The following GPR158 variants were observed in gnomAD, a reference collection of about 807,000 sequenced individuals.
GPR158 encodes the protein metabotropic glycine receptor.
GPR158 carries 30 observed loss-of-function variants against 78.2 expected under a neutral mutation model. The ratio of observed to expected loss-of-function variants is 0.38; its 90% CI spans 0.29 to 0.52. The LOEUF is 0.52. Ranked by LOEUF, GPR158 falls within the 20% of genes least tolerant of loss-of-function variation. The pLI is 0.83. For missense variants in GPR158, 1,463 were observed against 1,523.5 expected (o/e 0.96, Z 0.66); for synonymous variants, 581 against 591.1 (o/e 0.98, Z 0.25).
At chr10:25,498,925 G>A (rs1835918882) in intron 5 of GPR158, among the ~76,000 whole-genome samples, 1 of 152,112 alleles carries the variant, frequency 6.6e-6, no homozygotes, top group African/African-American at 2.4e-5. Flanking sequence ...TTTGCTTGAG[G>A]ACTTTCGGAA....
intron 4 of GPR158, among the ~76,000 whole-genome samples, chr10:25,426,330 C>A (rs2149634): frequency 0.7 from 106,106 of 151,762 alleles, 38,089 homozygotes; most frequent in Non-Finnish European, 0.8. Context: ...AGCACTTTTA[C>A]TTTCCATCAG....
intron 2 of GPR158, among the ~76,000 whole-genome samples, chr10:25,280,754 C>T (rs1342586196): frequency 2.0e-5 from 3 of 152,036 alleles, no homozygotes; most frequent in Middle Eastern, 3.4e-3. Context: ...TACGTACATA[C>T]GTACATATTC....
At chr10:25,359,296 A>G (rs372094090) in intron 2 of GPR158, among the ~76,000 whole-genome samples, 5 of 152,128 alleles carry the variant, frequency 3.3e-5, no homozygotes, top group African/African-American at 1.2e-4. Context: ...TCTGAGATAC[A>G]TGTGCAGAAT....
chr10:25,213,935 AT>A (rs1424962512), intron 1 of GPR158, among the ~76,000 whole-genome samples: 1 of 151,998 alleles, frequency 6.6e-6, no homozygotes, highest in Non-Finnish European at 1.5e-5. Flanking sequence ...TCTGCATATT[AT>A]TTGCATATTT....
intron 2 of GPR158, among the ~76,000 whole-genome samples, chr10:25,276,593 G>A (rs560919881): frequency 6.6e-6 from 1 of 152,286 alleles, no homozygotes; most frequent in African/African-American, 2.4e-5. Context: ...CATTACATTA[G>A]TAAAGATCCT....
At chr10:25,198,841 A>G (rs377439818) in intron 1 of GPR158, among the ~76,000 whole-genome samples, 6 of 152,140 alleles carry the variant, frequency 3.9e-5, no homozygotes, top group South Asian at 2.1e-4. Flanking sequence ...AATATAACTA[A>G]CAACTTAGTG....
At chr10:25,531,371 A>C (rs1469061052) in intron 5 of GPR158, among the ~76,000 whole-genome samples, 1 of 152,220 alleles carries the variant, frequency 6.6e-6, no homozygotes, top group Admixed American at 6.5e-5. Context: ...ATTATTGATA[A>C]TGACCATGTG....
At chr10:25,439,664 G>A (rs1447383091) in intron 4 of GPR158, among the ~76,000 whole-genome samples, 3 of 152,116 alleles carry the variant, frequency 2.0e-5, no homozygotes, top group Admixed American at 6.5e-5. Context: ...CAAACGAGAG[G>A]TTAGGAGCCA....
Position 25,223,671 on chromosome 10 carries a change from C to T in GPR158, c.1008+2514C>T, listed in dbSNP as rs1306062766. Among the ~76,000 whole-genome samples the T allele has an allele frequency of 2.6e-5, 4 of 152,126 alleles. No individual in the cohort carries two copies. In the East Asian group the frequency reaches 7.7e-4, roughly 29 times the overall value. On this transcript the variant is annotated intron_variant, in intron 2 of 10. Coordinates refer to ENST00000376351, the MANE Select transcript of GPR158 (RefSeq NM_020752.3). ...TCTGGCTCTACTTTATTCTTTGTAA[C>T]AACCCCTCTGTTACCATCCCAAGGA... is the stretch of plus-strand genomic sequence containing the variant.
At chr10:25,382,428 C>A (rs938796191) in intron 2 of GPR158, among the ~76,000 whole-genome samples, 5 of 150,730 alleles carry the variant, frequency 3.3e-5, no homozygotes, top group Non-Finnish European at 5.9e-5. Context: ...AGAAAAGTTT[C>A]TTTTTTAATT....
At chr10:25,328,207 T>C (rs1307732138) in intron 2 of GPR158, among the ~76,000 whole-genome samples, 1 of 152,090 alleles carries the variant, frequency 6.6e-6, no homozygotes, top group East Asian at 1.9e-4. Context: ...TACATAGAAA[T>C]ACATAGATGC....
intron 2 of GPR158, among the ~76,000 whole-genome samples, chr10:25,252,273 C>T (rs1482760162): frequency 1.3e-5 from 2 of 151,370 alleles, no homozygotes; most frequent in Admixed American, 1.3e-4. Context: ...CCTCCTGTAG[C>T]TCAGAGTAAT....
intron 1 of GPR158, among the ~76,000 whole-genome samples, chr10:25,191,302 A>C (rs1852767786): frequency 6.6e-6 from 1 of 152,238 alleles, no homozygotes; most frequent in South Asian, 2.1e-4. Context: ...CATCACTTGC[A>C]TTAGCTATGG....
At chr10:25,424,668 A>G (rs1834795305) in intron 4 of GPR158, among the ~76,000 whole-genome samples, 1 of 151,470 alleles carries the variant, frequency 6.6e-6, no homozygotes, top group Non-Finnish European at 1.5e-5. Flanking sequence ...TGTTTTTGTC[A>G]GGTTTGTCAA....
chr10:25,584,364 G>A (rs1458400591), intron 7 of GPR158, among the ~76,000 whole-genome samples: 2 of 152,116 alleles, frequency 1.3e-5, no homozygotes, highest in East Asian at 1.9e-4. Flanking sequence ...ATCACATTTA[G>A]TTTAATTGGT....
rs77682504 is a variant in GPR158 at position 25,402,449 on chromosome 10, T to C, written c.1111+6436T>C. On this transcript the variant is annotated intron_variant, in intron 3 of 10. Coordinates refer to ENST00000376351, the MANE Select transcript of GPR158 (RefSeq NM_020752.3). The stretch of plus-strand genomic sequence containing the variant: ...ATGGGCTATGTATTAGATGATAATA[T>C]TGTATCAGTATTAAATTTCCAACTT... 3.1e-3 allele frequency among the ~76,000 whole-genome samples: 471 copies of C among 152,200 alleles called. 10 individuals are homozygous for C. The East Asian group carries it at 0.056, about 18-fold the overall frequency.
chr10:25,596,859 T>A, intron 10 of GPR158, 70 bp downstream of exon 10: 1 of 1,362,402 alleles, frequency 7.3e-7, no homozygotes, highest in Non-Finnish European at 1.0e-6. Context: ...CGTGTGTGGG[T>A]TGGGGTGCGT....
chr10:25,424,214 C>A (rs564579029), intron 4 of GPR158, among the ~76,000 whole-genome samples: 1 of 152,264 alleles, frequency 6.6e-6, no homozygotes, highest in East Asian at 1.9e-4. Context: ...CCTTTGCCCA[C>A]TTTTTGATGG....
At chr10:25,477,044 A>C (rs905939376) in intron 5 of GPR158, among the ~76,000 whole-genome samples, 3 of 152,040 alleles carry the variant, frequency 2.0e-5, no homozygotes, top group Admixed American at 2.0e-4. Context: ...TGTAGAACCT[A>C]TGTCAGTTAA....
Sources: allele counts gnomAD v4.1 joint callset (sites outside exome capture counted in the v4.1 genomes callset), GRCh38; gene constraint gnomAD v4.1.1; transcripts MANE v1.5; gene names NCBI Gene and HGNC (gene_info 2026-07-23, HGNC 2026-07-21).